TBCK: variants seen among roughly 807,000 people sequenced by gnomAD.
The protein encoded by TBCK is TBC domain-containing protein kinase-like protein.
TBCK carries 99 observed loss-of-function variants against 113.4 expected under a neutral mutation model. The ratio of observed to expected loss-of-function variants is 0.87; its 90% confidence interval spans 0.74 to 1.03. TBCK has a LOEUF of 1.03. Among genes scored for constraint, TBCK ranks in the 50% least tolerant of loss-of-function variants. The probability of loss-of-function intolerance (pLI) is 0.00; values close to 1 mark genes in which losing one functional copy is unlikely to be tolerated. For synonymous variants in TBCK, 369 were observed against 370.8 expected, an observed-to-expected ratio of 1.00 and a Z score of 0.05; for missense variants, 1,045 against 1,061.3, an observed-to-expected ratio of 0.98 and a Z score of 0.21.
chr4:106,052,667 C>A (rs1045914054), intron 25 of TBCK, among the ~76,000 whole-genome samples: 7 of 151,458 alleles, frequency 4.6e-5, no homozygotes, highest in African/African-American at 1.7e-4. Context: ...TAACTCAATG[C>A]ATTTTCATGT....
chr4:106,232,843 A>T, intron 17 of TBCK, 95 bp downstream of exon 17: 1 of 1,240,230 alleles, frequency 8.1e-7, no homozygotes, highest in Non-Finnish European at 1.1e-6. Context: ...CTTTCCCCAA[A>T]GACAAGGATG....
intron 25 of TBCK, among the ~76,000 whole-genome samples, chr4:106,050,563 T>G (rs1734694089): frequency 6.6e-6 from 1 of 152,090 alleles, no homozygotes. Flanking sequence ...TAACTCTTTC[T>G]AAATTAAGCA....
rs192615017 is a variant in TBCK at position 106,265,749 on chromosome 4, A to G, written c.267-3537T>C. The stretch of plus-strand genomic sequence containing the variant: ...TATTATCTTCATTTCCTCTATGGTG[A>G]GTACTCCCTCTCCACCCCATCTCCA... On this transcript the variant is annotated intron_variant, in intron 3 of 25. Transcript: ENST00000394708. Among the ~76,000 whole-genome samples, 3 of 151,890 alleles carry G rather than the reference A, an allele frequency of 2.0e-5. No individual in the cohort carries two copies. In the East Asian group the frequency reaches 5.8e-4, roughly 29 times the overall value.
At chr4:106,293,511 G>C (rs1008356228) in intron 3 of TBCK, among the ~76,000 whole-genome samples, 1 of 152,084 alleles carries the variant, frequency 6.6e-6, no homozygotes, top group Admixed American at 6.6e-5. Flanking sequence ...TAATGCGCTT[G>C]TATCATCCCA....
In TBCK at chr4:106,110,807, G is replaced by A. The variant is rs182434117; in HGVS notation, c.2411+5396C>T. ...TACTGCCTCCATCTCCCTCAGCCCCGCTGTCTCCAGGAAAAAATAACAAAG... is the reference window on the plus strand; with the variant it reads ...TACTGCCTCCATCTCCCTCAGCCCCACTGTCTCCAGGAAAAAATAACAAAG... On this transcript the variant is annotated intron_variant, in intron 24 of 25. Transcript: ENST00000394708. Among the ~76,000 whole-genome samples, 148 of 152,114 alleles carry A rather than the reference G, an allele frequency of 9.7e-4. 1 individual carries two copies. Among genetic ancestry groups the A allele is most frequent in the African/African-American group, 3.5e-3 (145 of 41,518 alleles).
intron 23 of TBCK, among the ~76,000 whole-genome samples, chr4:106,120,696 G>T (rs1419816251): frequency 6.6e-6 from 1 of 152,186 alleles, no homozygotes; most frequent in Non-Finnish European, 1.5e-5. Context: ...GCACCCCCCA[G>T]CAGGGGCACA....
chr4:106,175,894 T>C (rs1021925607), intron 22 of TBCK, among the ~76,000 whole-genome samples: 8 of 152,148 alleles, frequency 5.3e-5, no homozygotes, highest in African/African-American at 1.4e-4. Context: ...CTTCTGGGTA[T>C]TGACAAAGAT....
intron 3 of TBCK, among the ~76,000 whole-genome samples, chr4:106,264,782 T>C (rs1388328808): frequency 6.6e-6 from 1 of 151,968 alleles, no homozygotes; most frequent in Non-Finnish European, 1.5e-5. Context: ...TTTAAATTTC[T>C]TTTTTGTTTA....
chr4:106,098,090 G>T (rs1259080696), intron 24 of TBCK, among the ~76,000 whole-genome samples: 1 of 151,988 alleles, frequency 6.6e-6, no homozygotes, highest in Non-Finnish European at 1.5e-5. Context: ...CAAAGGTAGG[G>T]TTAGAGATGA....
At chr4:106,069,802 T>C (rs1737146853) in intron 25 of TBCK, among the ~76,000 whole-genome samples, 1 of 152,234 alleles carries the variant, frequency 6.6e-6, no homozygotes, top group Non-Finnish European at 1.5e-5. Flanking sequence ...CATTTGTTTG[T>C]GTCCTCTTTT....
chr4:106,244,286 G>A (rs372567742), intron 11 of TBCK, among the ~76,000 whole-genome samples: 2 of 152,156 alleles, frequency 1.3e-5, no homozygotes, highest in Admixed American at 6.5e-5. Flanking sequence ...CTAGTTTTTA[G>A]TTAACTGTCT....
rs147979384 is a variant in TBCK at position 106,203,875 on chromosome 4, C to T, written c.1860+8875G>A. On this transcript the variant is annotated intron_variant, in intron 20 of 25. Transcript: ENST00000394708. ...TTGAGATAGAGAAGTACCTTAAAATCAAGCAATTAAAAAGATTAAAATTCA... is the reference window on the plus strand; with the variant it reads ...TTGAGATAGAGAAGTACCTTAAAATTAAGCAATTAAAAAGATTAAAATTCA... Among the ~76,000 whole-genome samples the T allele has an allele frequency of 1.8e-4, 27 of 152,134 alleles. No homozygotes were observed. In the East Asian group the frequency reaches 5.0e-3, roughly 28 times the overall value.
intron 22 of TBCK, among the ~76,000 whole-genome samples, chr4:106,181,525 C>T (rs1752381437): frequency 6.6e-6 from 1 of 152,100 alleles, no homozygotes; most frequent in African/African-American, 2.4e-5. Flanking sequence ...GTCTTTGATC[C>T]ATCTTGAGTT....
chr4:106,289,298 C>T (rs766007664), intron 3 of TBCK, among the ~76,000 whole-genome samples: 3 of 152,154 alleles, frequency 2.0e-5, no homozygotes, highest in African/African-American at 7.2e-5. Context: ...ATAACTAGGA[C>T]TGGAATTGCT....
At chr4:106,227,261 T>C (rs1201771980) in intron 19 of TBCK, among the ~76,000 whole-genome samples, 6 of 152,226 alleles carry the variant, frequency 3.9e-5, no homozygotes, top group African/African-American at 1.2e-4. Context: ...CACAGATATA[T>C]AGGAATGAAC....
At chr4:106,083,821 G>T (rs1182134810) in intron 25 of TBCK, among the ~76,000 whole-genome samples, 1 of 152,090 alleles carries the variant, frequency 6.6e-6, no homozygotes, top group Admixed American at 6.5e-5. Flanking sequence ...TGAACCCCCA[G>T]GAAACTGCAG....
chr4:106,112,096 A>G (rs768991159), intron 24 of TBCK, among the ~76,000 whole-genome samples: 2 of 151,400 alleles, frequency 1.3e-5, no homozygotes, highest in Non-Finnish European at 1.5e-5. Flanking sequence ...CCCCAGGGCT[A>G]CGCTTCCTAG....
At position 106,260,510 on chromosome 4, in the gene TBCK, C is replaced by G; in HGVS notation, c.382G>C (p.Gly128Arg). Residue 128 changes from glycine to arginine, a missense_variant and splice_region_variant, in exon 5 of 26, where the codon GGA becomes CGA. Physicochemically the swap from Gly to Arg is moderately radical, Grantham distance 125. Transcript: ENST00000394708. Reference sequence around the variant, plus strand: ...CCAAATTTAGCCAATTTAATATGTCCCTATGATAATAAAGAAAAAAAACAC... The same window carrying G: ...CCAAATTTAGCCAATTTAATATGTCGCTATGATAATAAAGAAAAAAAACAC... Reference protein sequence around the residue: ...SPHNILLDRKGHIKLAKFGLY... With the variant: ...SPHNILLDRKRHIKLAKFGLY... 1 of 1,168,074 alleles carries G rather than the reference C, an allele frequency of 8.6e-7. No individual in the cohort carries two copies. The highest frequency in any genetic ancestry group is 2.9e-5 in the East Asian group (1 of 33,998). 72.4% of individuals were successfully genotyped at this position (1,168,074 alleles called of 1,614,324 possible).
At chr4:106,174,870 C>A (rs1217827231) in intron 22 of TBCK, among the ~76,000 whole-genome samples, 2 of 152,024 alleles carry the variant, frequency 1.3e-5, no homozygotes, top group African/African-American at 2.4e-5. Flanking sequence ...TGCCTATAAT[C>A]CTAGCACTTT....
Sources: allele counts gnomAD v4.1 joint callset (sites outside exome capture counted in the v4.1 genomes callset), GRCh38; gene constraint gnomAD v4.1.1; transcripts MANE v1.5; gene names NCBI Gene and HGNC (gene_info 2026-07-23, HGNC 2026-07-21).